Variants in ACSM3 observed in about 807,000 individuals in gnomAD.
ACSM3 encodes acyl-CoA synthetase medium chain family member 3.
A neutral mutation model predicts 74.1 loss-of-function variants in ACSM3; 61 were observed. The ratio of observed to expected loss-of-function variants is 0.82; its 90% CI spans 0.67 to 1.02. ACSM3 has a LOEUF of 1.02. Ranked by LOEUF, ACSM3 falls within the 50% of genes least tolerant of loss-of-function variation. The probability of loss-of-function intolerance (pLI) is 0.00; values close to 1 mark genes in which losing one functional copy is unlikely to be tolerated. For synonymous variants in ACSM3, 213 were observed against 241.5 expected (o/e 0.88, Z 1.09); for missense variants, 660 against 697.0 (o/e 0.95, Z 0.60).
chr16:20,789,199 G>T (rs1295573967), intron 9 of ACSM3, among the ~76,000 whole-genome samples: 2 of 152,052 alleles, frequency 1.3e-5, no homozygotes, highest in South Asian at 4.2e-4. Flanking sequence ...ATGATTAAAA[G>T]CATATGATCT....
At chr16:20,721,756 T>C (rs1472620949) in intron 1 of ACSM3, 1 of 152,192 alleles carries the variant, frequency 6.6e-6, no homozygotes, top group South Asian at 2.1e-4. Context: ...GTATCACTGA[T>C]ACGATTGTAC....
chr16:20,711,020 A>G (rs1167614903), intron 1 of ACSM3, among the ~76,000 whole-genome samples: 1 of 152,018 alleles, frequency 6.6e-6, no homozygotes, highest in African/African-American at 2.4e-5. Context: ...TGGGAGGCGG[A>G]GGTTGCAGTG....
chr16:20,780,613 G>C (rs751722896), intron 4 of ACSM3, 101 bp from the exon 5 acceptor site: 1 of 1,608,684 alleles, frequency 6.2e-7, no homozygotes. Context: ...CCTGATTCAT[G>C]ACATGAAGAG....
At chr16:20,736,813 G>GGTGGAGCCCCAGCAACATCTC (rs1400479764) in intron 1 of ACSM3, 130 of 1,511,558 alleles carry the variant, frequency 8.6e-5, no homozygotes, top group Non-Finnish European at 1.1e-4. Context: ...CACAATTTAA[G>GGTGGAGCCCCAGCAACATCTC]GTGGAGCCCC....
At chr16:20,725,422 C>T in intron 1 of ACSM3, 1 of 240,142 alleles carries the variant, frequency 4.2e-6, no homozygotes, top group Non-Finnish European at 9.2e-6. Context: ...CTGGATGCTT[C>T]TACAAAAAGA....
intron 7 of ACSM3, chr16:20,783,646 G>A (rs2080402678): frequency 6.6e-6 from 1 of 152,074 alleles, no homozygotes; most frequent in African/African-American, 2.4e-5. Flanking sequence ...TAATTCACCT[G>A]CCATAAAATT....
At chr16:20,714,628 GAAGA>G (rs1298694809) in intron 1 of ACSM3, among the ~76,000 whole-genome samples, 1 of 152,162 alleles carries the variant, frequency 6.6e-6, no homozygotes, top group Non-Finnish European at 1.5e-5. Flanking sequence ...GAAGATGAAG[GAAGA>G]AAGAGTCAAG....
At chr16:20,795,409 T>A (rs1364030319) in intron 12 of ACSM3, among the ~76,000 whole-genome samples, 7 of 152,178 alleles carry the variant, frequency 4.6e-5, no homozygotes, top group Non-Finnish European at 7.3e-5. Context: ...TGTGAAAAAA[T>A]TATAACTTCA....
chr16:20,780,564 G>T lies in ACSM3; in HGVS notation c.639-150G>T, dbSNP rs2080329663. ...AAGCACCTAAAAGGATAGAGAAAGT[G>T]ATGGCTTTTACCCTGTAATTCAAGC... On this transcript the variant is annotated intron_variant, in intron 4 of 13. Transcript: ENST00000289416. 3.9e-6 allele frequency: 6 copies of T among 1,525,710 alleles called. No individual in the cohort carries two copies. The East Asian group carries it at 1.1e-4, about 29-fold the overall frequency. 94.5% of individuals were successfully genotyped at this position (1,525,710 alleles called of 1,614,324 possible).
At chr16:20,778,844 G>A (rs773933419) in intron 4 of ACSM3, among the ~76,000 whole-genome samples, 9 of 152,018 alleles carry the variant, frequency 5.9e-5, no homozygotes, top group Non-Finnish European at 1.0e-4. Flanking sequence ...TCCACCTCCC[G>A]AGTTCAAGCG....
Position 20,796,889 on chromosome 16 carries a change from G to A in ACSM3, c.1678G>A (p.Glu560Lys), listed in dbSNP as rs1041201486. 9.9e-6 allele frequency: 16 copies of A among 1,611,572 alleles called. No homozygotes were observed. The highest frequency in any genetic ancestry group is 1.3e-5 in the Non-Finnish European group (15 of 1,179,190). Reference protein sequence around the residue: ...TAPYKYPRKVEFIQELPKTIS... With the variant: ...TAPYKYPRKVKFIQELPKTIS... ...TTCTTCCCCTTGATGCCAACAGGTAGAATTTATTCAAGAGCTGCCAAAGAC... is the reference window on the plus strand; with the variant it reads ...TTCTTCCCCTTGATGCCAACAGGTAAAATTTATTCAAGAGCTGCCAAAGAC... The change falls in exon 14 of 14, where the codon GAA becomes AAA. Residue 560 changes from glutamate (E) to lysine (K), a missense_variant. Physicochemically the swap from Glu to Lys is moderately conservative, Grantham distance 56 (BLOSUM62 1). Coordinates refer to ENST00000289416, the MANE Select transcript of ACSM3 (RefSeq NM_005622.4).
chr16:20,678,280 T>C lies in ACSM3; in HGVS notation c.-190+3458T>C, dbSNP rs368095430. Among the ~76,000 whole-genome samples the C allele has an allele frequency of 3.3e-5, 5 of 152,028 alleles. No homozygotes were observed. The South Asian group carries it at 1.0e-3, about 32-fold the overall frequency. On this transcript the variant is annotated intron_variant, in intron 1 of 3. Transcript: ENST00000561584. ...TTGTAAAACAGTTCCACCAAGGAAC[T>C]GACCTGAAAAAAAAACACACAAAAA...
chr16:20,765,281 A>G (rs898234511), intron 1 of ACSM3, among the ~76,000 whole-genome samples: 13 of 152,228 alleles, frequency 8.5e-5, no homozygotes, highest in Non-Finnish European at 1.8e-4. Context: ...CCTGGGAAAT[A>G]GAAGTTGTAA....
At chr16:20,735,083 T>G (rs1489977834) in intron 1 of ACSM3, 4 of 152,246 alleles carry the variant, frequency 2.6e-5, no homozygotes, top group Non-Finnish European at 5.9e-5. Flanking sequence ...CAAGTCAGTT[T>G]CCTTTTAGAT....
At chr16:20,741,458 C>G in intron 1 of ACSM3, 2 of 1,474,562 alleles carry the variant, frequency 1.4e-6, no homozygotes, top group Non-Finnish European at 1.8e-6. Flanking sequence ...ACCCTTCCCT[C>G]CTCCCGCAAG....
intron 1 of ACSM3, among the ~76,000 whole-genome samples, chr16:20,678,509 G>A (rs2079361590): frequency 6.6e-6 from 1 of 152,198 alleles, no homozygotes; most frequent in Admixed American, 6.5e-5. Flanking sequence ...ACCCTGTGAT[G>A]GGGGCTATCA....
intron 12 of ACSM3, among the ~76,000 whole-genome samples, chr16:20,794,576 A>G (rs1343583025): frequency 1.3e-5 from 2 of 152,262 alleles, no homozygotes; most frequent in Non-Finnish European, 2.9e-5. Flanking sequence ...TCAGAAAAAT[A>G]CAAGATTTTG....
At chr16:20,719,594 G>T (rs1199640366) in intron 1 of ACSM3, among the ~76,000 whole-genome samples, 1 of 152,170 alleles carries the variant, frequency 6.6e-6, no homozygotes, top group Non-Finnish European at 1.5e-5. Context: ...CTCTCAGGCA[G>T]GAAATCCAGA....
chr16:20,726,236 T>C (rs1458339870), intron 1 of ACSM3, among the ~76,000 whole-genome samples: 5 of 152,228 alleles, frequency 3.3e-5, no homozygotes, highest in Admixed American at 2.6e-4. Context: ...AAGTTTGACT[T>C]GAAGGTTATA....
Sources: gnomAD v4.1 joint callset for allele counts (sites outside exome capture counted in the v4.1 genomes callset) on GRCh38, gnomAD v4.1.1 for gene constraint, MANE v1.5 for transcripts, NCBI Gene and HGNC (gene_info 2026-07-23, HGNC 2026-07-21) for gene names.